MAGI2: variants seen among roughly 807,000 people sequenced by gnomAD.
MAGI2 encodes membrane-associated guanylate kinase, WW and PDZ domain-containing protein 2.
MAGI2 carries 35 observed loss-of-function variants against 133.3 expected under a neutral mutation model. The ratio of observed to expected loss-of-function variants is 0.26; its 90% CI spans 0.20 to 0.35. MAGI2 has a LOEUF of 0.35. Among genes scored for constraint, MAGI2 ranks in the 10% least tolerant of loss-of-function variants. The probability of loss-of-function intolerance (pLI) is 1.00; values close to 1 mark genes in which losing one functional copy is unlikely to be tolerated. For missense variants in MAGI2, 1,636 were observed against 1,863.4 expected, an observed-to-expected ratio of 0.88 and a Z score of 2.25; for synonymous variants, 729 against 710.6, an observed-to-expected ratio of 1.03 and a Z score of -0.41.
chr7:78,274,678 C>T (rs1032183987), intron 9 of MAGI2, among the ~76,000 whole-genome samples: 1 of 152,072 alleles, frequency 6.6e-6, no homozygotes, highest in Admixed American at 6.5e-5. Context: ...GCTGCAGAGG[C>T]CTTGCTTAGC....
intron 2 of MAGI2, among the ~76,000 whole-genome samples, chr7:78,885,811 G>C (rs1190524474): frequency 6.6e-6 from 1 of 152,116 alleles, no homozygotes; most frequent in Admixed American, 6.6e-5. Context: ...CATCTGCTGA[G>C]TATAACTCAC....
Position 78,903,559 on chromosome 7 carries a change from G to A in MAGI2, c.418+103531C>T, listed in dbSNP as rs117211568. Among the ~76,000 whole-genome samples the A allele has an allele frequency of 2.9e-3, 435 of 152,204 alleles. 13 individuals are homozygous for A. The East Asian group carries it at 0.058, about 20-fold the overall frequency. ...TTTCCCACAATCACTGGAACACAAT[G>A]GTAGTACAGATTAAGCAAATAAGAC... On this transcript the variant is annotated intron_variant, in intron 2 of 21. Coordinates refer to ENST00000354212, the MANE Select transcript of MAGI2 (RefSeq NM_012301.4).
chr7:78,843,119 A>G (rs550396677), intron 2 of MAGI2, among the ~76,000 whole-genome samples: 1 of 151,848 alleles, frequency 6.6e-6, no homozygotes, highest in Non-Finnish European at 1.5e-5. Context: ...CTTGTGTGTT[A>G]TAGGATATTG....
intron 1 of MAGI2, among the ~76,000 whole-genome samples, chr7:79,191,418 T>C (rs1418394440): frequency 4.5e-5 from 5 of 110,208 alleles, no homozygotes; most frequent in African/African-American, 1.2e-4. Flanking sequence ...TTTTTTTTTT[T>C]TTTTTTTTTT....
chr7:79,383,743 AAAAAATAC>A (rs1197855957), intron 1 of MAGI2, among the ~76,000 whole-genome samples: 5 of 151,570 alleles, frequency 3.3e-5, no homozygotes, highest in Non-Finnish European at 5.9e-5. Context: ...AAGCCAAAAG[AAAAAATAC>A]ATCTTTATTT....
intron 1 of MAGI2, among the ~76,000 whole-genome samples, chr7:79,088,660 T>A (rs1816757252): frequency 6.6e-6 from 1 of 152,126 alleles, no homozygotes; most frequent in African/African-American, 2.4e-5. Flanking sequence ...CATAAATAGC[T>A]CTTATTATTT....
chr7:78,320,982 AACAG>A (rs1342166052), intron 9 of MAGI2, among the ~76,000 whole-genome samples: 1 of 151,906 alleles, frequency 6.6e-6, no homozygotes, highest in East Asian at 1.9e-4. Context: ...ACCAATAACA[AACAG>A]ACAGCCAAAT....
At position 79,185,850 on chromosome 7, in the gene MAGI2, G is replaced by A. The variant is rs183546554; in HGVS notation, c.302-178644C>T. On this transcript the variant is annotated intron_variant, in intron 1 of 21. Coordinates refer to ENST00000354212, the MANE Select transcript of MAGI2 (RefSeq NM_012301.4). Reference sequence around the variant, plus strand: ...GTTGGGACTAAGAAACACAGTTGAAGCTCATCCGTGACAGAACTAAAATGA... The same window carrying A: ...GTTGGGACTAAGAAACACAGTTGAAACTCATCCGTGACAGAACTAAAATGA... 1.2e-3 allele frequency among the ~76,000 whole-genome samples: 186 copies of A among 151,808 alleles called. 2 individuals carry two copies. The highest frequency in any genetic ancestry group is 4.1e-3 in the African/African-American group (170 of 41,360).
intron 6 of MAGI2, chr7:78,484,521 T>C (rs1792765263): frequency 6.6e-6 from 1 of 151,974 alleles, no homozygotes. Context: ...CATGAAAATT[T>C]AGAGACAACT....
chr7:78,580,302 G>T (rs533132461), intron 3 of MAGI2, among the ~76,000 whole-genome samples: 2 of 152,270 alleles, frequency 1.3e-5, no homozygotes, highest in East Asian at 3.9e-4. Flanking sequence ...TGGATTAAAA[G>T]AAAATCAAGG....
At chr7:78,544,427 G>A (rs1251690191) in intron 3 of MAGI2, among the ~76,000 whole-genome samples, 1 of 152,146 alleles carries the variant, frequency 6.6e-6, no homozygotes, top group African/African-American at 2.4e-5. Context: ...TTTGGCAACT[G>A]GCAAGAGTGT....
intron 20 of MAGI2, among the ~76,000 whole-genome samples, chr7:78,098,499 T>C (rs1416798294): frequency 6.6e-6 from 1 of 152,186 alleles, no homozygotes; most frequent in Non-Finnish European, 1.5e-5. Flanking sequence ...TTTTTTATTC[T>C]ATTGACGTAT....
intron 1 of MAGI2, among the ~76,000 whole-genome samples, chr7:79,052,209 G>C (rs973349286): frequency 9.2e-5 from 14 of 152,070 alleles, no homozygotes; most frequent in African/African-American, 3.4e-4. Context: ...GCAGGGGGAG[G>C]AAAAACAAGC....
At chr7:79,023,118 C>T (rs1395610573) in intron 1 of MAGI2, among the ~76,000 whole-genome samples, 2 of 152,102 alleles carry the variant, frequency 1.3e-5, no homozygotes, top group Non-Finnish European at 2.9e-5. Context: ...TCCAGCAGTA[C>T]ATCAAAAAGT....
At chr7:79,172,564 A>G (rs1443531890) in intron 1 of MAGI2, among the ~76,000 whole-genome samples, 1 of 152,088 alleles carries the variant, frequency 6.6e-6, no homozygotes, top group Non-Finnish European at 1.5e-5. Context: ...GAAATGCCAT[A>G]TGAGTATCAG....
chr7:78,957,887 A>G (rs1211958170), intron 2 of MAGI2, among the ~76,000 whole-genome samples: 1 of 152,044 alleles, frequency 6.6e-6, no homozygotes, highest in Non-Finnish European at 1.5e-5. Flanking sequence ...TCTCTGTGTG[A>G]CTCAGAGGTT....
At chr7:79,071,779 C>T (rs931305498) in intron 1 of MAGI2, among the ~76,000 whole-genome samples, 1 of 152,096 alleles carries the variant, frequency 6.6e-6, no homozygotes, top group African/African-American at 2.4e-5. Flanking sequence ...AAACCACCTA[C>T]TCAAGCCTCA....
intron 1 of MAGI2, among the ~76,000 whole-genome samples, chr7:79,309,624 A>G (rs957633555): frequency 4.6e-5 from 7 of 152,076 alleles, no homozygotes; most frequent in African/African-American, 1.4e-4. Context: ...TAGACACGGT[A>G]TATAATCTGT....
At chr7:79,317,613 T>G (rs1224709109) in intron 1 of MAGI2, among the ~76,000 whole-genome samples, 2 of 152,214 alleles carry the variant, frequency 1.3e-5, no homozygotes, top group Non-Finnish European at 2.9e-5. Context: ...TTACATTCTA[T>G]TTTTTCATAC....
Sources: allele counts gnomAD v4.1 joint callset (sites outside exome capture counted in the v4.1 genomes callset), GRCh38; gene constraint gnomAD v4.1.1; transcripts MANE v1.5; gene names NCBI Gene and HGNC (gene_info 2026-07-23, HGNC 2026-07-21).